The following PRKAR2B variants were observed in gnomAD, a reference collection of about 807,000 sequenced individuals.
The protein encoded by PRKAR2B is protein kinase cAMP-dependent type II regulatory subunit beta.
Under a neutral mutation model 49.9 loss-of-function variants are expected in PRKAR2B, and 14 were observed. The observed-to-expected ratio is 0.28, with a 90% CI of 0.19 to 0.44. The LOEUF is 0.44. PRKAR2B is among the 20% of genes least tolerant of loss of function. The pLI is 1.00. For missense variants in PRKAR2B, 393 were observed against 537.9 expected, an observed-to-expected ratio of 0.73 and a Z score of 2.67; for synonymous variants, 196 against 197.7, an observed-to-expected ratio of 0.99 and a Z score of 0.07.
intron 4 of PRKAR2B, among the ~76,000 whole-genome samples, chr7:107,135,682 A>T (rs992516242): frequency 2.8e-5 from 4 of 143,894 alleles, no homozygotes; most frequent in Non-Finnish European, 4.7e-5. Flanking sequence ...GTATAAGATC[A>T]ATGTGAGGAA....
intron 4 of PRKAR2B, among the ~76,000 whole-genome samples, chr7:107,132,861 A>G (rs1237875250): frequency 6.6e-6 from 1 of 152,220 alleles, no homozygotes; most frequent in Non-Finnish European, 1.5e-5. Flanking sequence ...AGAGCTGTAT[A>G]TTCATATGTT....
At chr7:107,097,003 A>G (rs574466515) in intron 2 of PRKAR2B, among the ~76,000 whole-genome samples, 91 of 152,092 alleles carry the variant, frequency 6.0e-4, no homozygotes, top group Non-Finnish European at 1.1e-3. Context: ...TGGGGTGGAG[A>G]GTTCTGTAGA....
intron 5 of PRKAR2B, among the ~76,000 whole-genome samples, chr7:107,143,214 G>A (rs1795821309): frequency 6.6e-6 from 1 of 152,234 alleles, no homozygotes; most frequent in African/African-American, 2.4e-5. Context: ...TATAAATAGT[G>A]TAAATCGAAG....
intron 2 of PRKAR2B, among the ~76,000 whole-genome samples, chr7:107,121,157 A>G (rs1795380646): frequency 6.6e-6 from 1 of 151,932 alleles, no homozygotes; most frequent in Non-Finnish European, 1.5e-5. Flanking sequence ...CAATCCTTCT[A>G]GAAAGAAACA....
intron 2 of PRKAR2B, among the ~76,000 whole-genome samples, chr7:107,100,422 A>C (rs980953262): frequency 6.6e-6 from 1 of 151,866 alleles, no homozygotes; most frequent in Non-Finnish European, 1.5e-5. Flanking sequence ...TGCTTTGACA[A>C]TTTTCTCTGG....
At chr7:107,102,702 G>A (rs922858118) in intron 2 of PRKAR2B, among the ~76,000 whole-genome samples, 1 of 152,122 alleles carries the variant, frequency 6.6e-6, no homozygotes, top group Non-Finnish European at 1.5e-5. Flanking sequence ...ACAGAGCCTC[G>A]CTCTGTCACC....
At chr7:107,130,050 T>C (rs887688297) in intron 4 of PRKAR2B, among the ~76,000 whole-genome samples, 3 of 152,220 alleles carry the variant, frequency 2.0e-5, no homozygotes, top group Non-Finnish European at 4.4e-5. Flanking sequence ...AGCCTTATTT[T>C]ACCCAGCTCC....
chr7:107,082,981 C>A (rs1374127089), intron 2 of PRKAR2B, among the ~76,000 whole-genome samples: 2 of 152,126 alleles, frequency 1.3e-5, no homozygotes, highest in South Asian at 2.1e-4. Flanking sequence ...GTTGTACCTG[C>A]AGGAGAGTCA....
chr7:107,158,028 C>T (rs901338888), intron 10 of PRKAR2B, among the ~76,000 whole-genome samples: 2 of 152,082 alleles, frequency 1.3e-5, no homozygotes, highest in African/African-American at 4.8e-5. Context: ...TTGCAAGGAT[C>T]CTTAGAATTA....
At chr7:107,123,941 T>G (rs1347431464) in intron 3 of PRKAR2B, among the ~76,000 whole-genome samples, 1 of 152,220 alleles carries the variant, frequency 6.6e-6, no homozygotes, top group African/African-American at 2.4e-5. Flanking sequence ...TCAACAACTA[T>G]GAAGCAAACC....
intron 2 of PRKAR2B, among the ~76,000 whole-genome samples, chr7:107,119,949 CAT>C (rs1315143323): frequency 2.6e-5 from 4 of 152,146 alleles, no homozygotes; most frequent in East Asian, 1.9e-4. Context: ...CCAAAGCAGT[CAT>C]GTGTAGAATA....
chr7:107,089,678 G>A (rs1260178721), intron 2 of PRKAR2B, among the ~76,000 whole-genome samples: 1 of 152,158 alleles, frequency 6.6e-6, no homozygotes, highest in Non-Finnish European at 1.5e-5. Context: ...GAAATACATG[G>A]AACATAAAAA....
chr7:107,078,320 AAG>A (rs1794446573), intron 2 of PRKAR2B: 1 of 152,360 alleles, frequency 6.6e-6, no homozygotes, highest in Non-Finnish European at 1.5e-5. Flanking sequence ...AAGGGTCAGA[AAG>A]AGAATTTGAC....
intron 2 of PRKAR2B, among the ~76,000 whole-genome samples, chr7:107,110,641 A>T (rs1795152836): frequency 6.6e-6 from 1 of 151,852 alleles, no homozygotes; most frequent in South Asian, 2.1e-4. Context: ...TCATTCCTGG[A>T]CGATACTTCT....
At chr7:107,139,640 G>A (rs928212064) in intron 4 of PRKAR2B, among the ~76,000 whole-genome samples, 1 of 152,124 alleles carries the variant, frequency 6.6e-6, no homozygotes, top group Non-Finnish European at 1.5e-5. Flanking sequence ...GCGACTTGGG[G>A]CAGCTCTCTC....
intron 1 of PRKAR2B, among the ~76,000 whole-genome samples, chr7:107,054,091 T>C (rs1325721720): frequency 6.6e-6 from 1 of 152,174 alleles, no homozygotes; most frequent in Non-Finnish European, 1.5e-5. Context: ...GCTCACAGCC[T>C]GTAATCCCAG....
chr7:107,120,436 TATA>T (rs1310985503), intron 2 of PRKAR2B, among the ~76,000 whole-genome samples: 2 of 152,012 alleles, frequency 1.3e-5, no homozygotes, highest in African/African-American at 4.8e-5. Context: ...TGTTTTATGA[TATA>T]ATAATAATAA....
intron 4 of PRKAR2B, among the ~76,000 whole-genome samples, chr7:107,140,519 C>T (rs1219023145): frequency 6.6e-6 from 1 of 152,110 alleles, no homozygotes; most frequent in Non-Finnish European, 1.5e-5. Context: ...TCCTTACTAA[C>T]CTGATCCTTT....
At chr7:107,158,543 ATAAAT>A (rs1461878257) in intron 10 of PRKAR2B, among the ~76,000 whole-genome samples, 3 of 152,180 alleles carry the variant, frequency 2.0e-5, no homozygotes, top group South Asian at 2.1e-4. Flanking sequence ...TATATACACG[ATAAAT>A]TAATCATTCC....
Sources: allele counts gnomAD v4.1 joint callset (sites outside exome capture counted in the v4.1 genomes callset), GRCh38; gene constraint gnomAD v4.1.1; transcripts MANE v1.5; gene names NCBI Gene and HGNC (gene_info 2026-07-23, HGNC 2026-07-21).